The following DCC variants were observed in gnomAD, a reference collection of about 807,000 sequenced individuals.
DCC encodes the protein DCC netrin 1 receptor.
A neutral mutation model predicts 172.5 loss-of-function variants in DCC; 58 were observed. The observed-to-expected ratio is 0.34, with a 90% CI of 0.27 to 0.42. The LOEUF (loss-of-function observed/expected upper bound fraction) is 0.42, where lower values mean the gene tolerates loss of function less well. DCC is among the 10% of genes least tolerant of loss of function. The pLI is 1.00. For synonymous variants in DCC, 709 were observed against 644.5 expected (o/e 1.10, Z -1.52); for missense variants, 1,740 against 1,791.0 (o/e 0.97, Z 0.51).
At chr18:52,750,665 G>GT (rs2036980741) in intron 1 of DCC, among the ~76,000 whole-genome samples, 1 of 152,164 alleles carries the variant, frequency 6.6e-6, no homozygotes, top group African/African-American at 2.4e-5. Context: ...GGGAGAAACC[G>GT]TAAGAAGCTG....
chr18:52,531,666 A>C (rs1179399604), intron 1 of DCC, among the ~76,000 whole-genome samples: 1 of 151,640 alleles, frequency 6.6e-6, no homozygotes, highest in Non-Finnish European at 1.5e-5. Context: ...TTTTTTCTTA[A>C]ACTCTTCTTG....
intron 1 of DCC, among the ~76,000 whole-genome samples, chr18:52,685,078 T>C (rs530074315): frequency 1.3e-5 from 2 of 152,136 alleles, no homozygotes; most frequent in Non-Finnish European, 2.9e-5. Context: ...TTCAAATTAG[T>C]TCAATTAAGG....
At chr18:52,501,464 T>C (rs1395196327) in intron 1 of DCC, among the ~76,000 whole-genome samples, 1 of 152,116 alleles carries the variant, frequency 6.6e-6, no homozygotes, top group Non-Finnish European at 1.5e-5. Context: ...GTTTATGCCA[T>C]AAAGGTAATG....
chr18:53,084,159 T>C (rs916081566), intron 7 of DCC, among the ~76,000 whole-genome samples: 3 of 152,202 alleles, frequency 2.0e-5, no homozygotes, highest in African/African-American at 7.2e-5. Flanking sequence ...GAAGGCTCTT[T>C]ACAGAGTCCC....
At chr18:52,461,217 G>T (rs919256238) in intron 1 of DCC, among the ~76,000 whole-genome samples, 11 of 152,008 alleles carry the variant, frequency 7.2e-5, no homozygotes, top group Non-Finnish European at 4.4e-5. Context: ...GCCTACGCAG[G>T]GTCAGGGTCA....
chr18:52,768,821 C>T lies in DCC; in HGVS notation c.412+16447C>T, dbSNP rs192709568. Among the ~76,000 whole-genome samples, 3 of 152,232 alleles carry T rather than the reference C, an allele frequency of 2.0e-5. No individual in the cohort carries two copies. In the East Asian group the frequency reaches 5.8e-4, roughly 29 times the overall value. On this transcript the variant is annotated intron_variant, in intron 2 of 28. Coordinates refer to ENST00000442544, the MANE Select transcript of DCC (RefSeq NM_005215.4). ...CCCTCTTTATACCTTGAAATACCTA[C>T]AGTTTAATCTCTGGAAGAATTAGTT... is the stretch of plus-strand genomic sequence containing the variant.
At chr18:52,357,829 T>G (rs1246137637) in intron 1 of DCC, among the ~76,000 whole-genome samples, 2 of 151,104 alleles carry the variant, frequency 1.3e-5, no homozygotes, top group Non-Finnish European at 2.9e-5. Flanking sequence ...TCCCAGCTAC[T>G]CGGGAGGCTG....
intron 1 of DCC, among the ~76,000 whole-genome samples, chr18:52,356,066 C>T (rs534117333): frequency 2.6e-5 from 4 of 152,156 alleles, no homozygotes; most frequent in South Asian, 2.1e-4. Flanking sequence ...TTTTCCCAAG[C>T]GAATTTATGA....
chr18:52,566,746 T>C lies in DCC; in HGVS notation c.92-185308T>C, dbSNP rs192717704. On this transcript the variant is annotated intron_variant, in intron 1 of 28. Coordinates refer to ENST00000442544, the MANE Select transcript of DCC (RefSeq NM_005215.4). ...AGGCCTAAAAAATGACTTCAGACTC[T>C]TTGGGGTACAGCAAAGAAGGAGTTT... 9.5e-4 allele frequency among the ~76,000 whole-genome samples: 144 copies of C among 152,188 alleles called. 1 individual carries two copies. Among genetic ancestry groups the C allele is most frequent in the African/African-American group, 3.3e-3 (137 of 41,478 alleles).
At chr18:53,449,449 C>T (rs2045378064) in intron 22 of DCC, among the ~76,000 whole-genome samples, 1 of 152,166 alleles carries the variant, frequency 6.6e-6, no homozygotes, top group Non-Finnish European at 1.5e-5. Context: ...TTCAGGAAAA[C>T]ATTTGTGTTA....
chr18:52,699,374 A>G (rs1486935396), intron 1 of DCC, among the ~76,000 whole-genome samples: 1 of 152,150 alleles, frequency 6.6e-6, no homozygotes, highest in Non-Finnish European at 1.5e-5. Flanking sequence ...TTTCTCTGAA[A>G]CAGCAGAGGA....
At chr18:52,708,317 C>T (rs2036242280) in intron 1 of DCC, among the ~76,000 whole-genome samples, 3 of 151,934 alleles carry the variant, frequency 2.0e-5, no homozygotes, top group Non-Finnish European at 2.9e-5. Context: ...TGGCGGGCGC[C>T]TGTAGTCCCA....
chr18:53,176,534 T>C (rs2055097853), intron 8 of DCC, among the ~76,000 whole-genome samples: 1 of 151,482 alleles, frequency 6.6e-6, no homozygotes, highest in Non-Finnish European at 1.5e-5. Flanking sequence ...GAACAGACAC[T>C]TCTCAAAAGA....
At chr18:53,134,711 T>C (rs1456167944) in intron 7 of DCC, among the ~76,000 whole-genome samples, 1 of 152,148 alleles carries the variant, frequency 6.6e-6, no homozygotes, top group Non-Finnish European at 1.5e-5. Flanking sequence ...TTGACATTGG[T>C]CAGAAAGTTA....
rs184874723 is a variant in DCC at position 52,907,769 on chromosome 18, C to T, written c.697+1441C>T. On this transcript the variant is annotated intron_variant, in intron 3 of 28. Transcript: ENST00000442544. Reference sequence around the variant, plus strand: ...TTCACATGCTTATTTCTGAGAAGCACTGTGCTAAGTACTAGGAATCCGGCA... The same window carrying T: ...TTCACATGCTTATTTCTGAGAAGCATTGTGCTAAGTACTAGGAATCCGGCA... Among the ~76,000 whole-genome samples the T allele has an allele frequency of 2.1e-3, 314 of 152,244 alleles. 1 individual carries two copies. The highest frequency in any genetic ancestry group is 7.2e-3 in the African/African-American group (298 of 41,550).
chr18:52,851,647 T>C (rs887751024), intron 2 of DCC, among the ~76,000 whole-genome samples: 4 of 152,110 alleles, frequency 2.6e-5, no homozygotes, highest in African/African-American at 9.7e-5. Flanking sequence ...CAAATTGAGT[T>C]TAAGAAGGAG....
intron 5 of DCC, among the ~76,000 whole-genome samples, chr18:53,037,894 G>A (rs149350743): frequency 6.6e-6 from 1 of 151,944 alleles, no homozygotes; most frequent in African/African-American, 2.4e-5. Flanking sequence ...GTTCTATAAT[G>A]TTTGACATTG....
intron 8 of DCC, among the ~76,000 whole-genome samples, chr18:53,170,195 G>A (rs1016796969): frequency 2.0e-5 from 3 of 152,188 alleles, no homozygotes; most frequent in African/African-American, 7.2e-5. Context: ...CAGTTTGGCA[G>A]CAGACACTCA....
intron 2 of DCC, among the ~76,000 whole-genome samples, chr18:52,864,227 T>C (rs1422279223): frequency 2.6e-5 from 4 of 152,194 alleles, no homozygotes; most frequent in Non-Finnish European, 5.9e-5. Context: ...TCAAAGCCTT[T>C]ACTAAATTTC....
Sources: gnomAD v4.1 joint callset for allele counts (sites outside exome capture counted in the v4.1 genomes callset) on GRCh38, gnomAD v4.1.1 for gene constraint, MANE v1.5 for transcripts, NCBI Gene and HGNC (gene_info 2026-07-23, HGNC 2026-07-21) for gene names.